Variants in CASTOR2 observed in about 807,000 individuals in gnomAD.
The protein encoded by CASTOR2 is cytosolic arginine sensor for mTORC1 subunit 2, also known as GATS protein like 2.
Under a neutral mutation model 31.2 loss-of-function variants are expected in CASTOR2, and 8 were observed. The observed-to-expected ratio is 0.26, with a 90% CI of 0.15 to 0.46. The LOEUF (loss-of-function observed/expected upper bound fraction) is 0.46. Ranked by LOEUF, CASTOR2 falls within the 20% of genes least tolerant of loss-of-function variation. CASTOR2 has a pLI of 0.99. For synonymous variants in CASTOR2, 162 were observed against 158.7 expected (o/e 1.02, Z -0.16); for missense variants, 216 against 382.1 (o/e 0.57, Z 3.62).
chr7:74,989,021 C>T (rs1383227402), intron 1 of CASTOR2, among the ~76,000 whole-genome samples: 6 of 145,848 alleles, frequency 4.1e-5, no homozygotes, highest in East Asian at 4.1e-4. Flanking sequence ...AGTGCAGTGG[C>T]GCCATCTCGG....
At chr7:75,001,630 T>C (rs1183293573) in intron 1 of CASTOR2, among the ~76,000 whole-genome samples, 7 of 152,212 alleles carry the variant, frequency 4.6e-5, no homozygotes, top group Non-Finnish European at 1.0e-4. Flanking sequence ...TTTGTTCTCT[T>C]TGAGGCTTCT....
In CASTOR2 at chr7:75,028,992, G is replaced by A. The variant is rs1339513121; in HGVS notation, c.*4293G>A. Among the ~76,000 whole-genome samples, 1 of 120,732 alleles carries A rather than the reference G, an allele frequency of 8.3e-6. No individual in the cohort carries two copies. The allele number at this position is 120,732 out of a possible 152,430, so 79.2% of individuals were successfully genotyped here. A position where few individuals can be genotyped will look rare whatever the true frequency, so the allele number is the denominator to read the frequency against. ...ATCAGAGGCTTCCAGTGTGGCCTCC[G>A]GAAGCAGCAGCGTAGCCAGGGTGAC... On this transcript the variant is annotated 3_prime_UTR_variant, in exon 9 of 9. Transcript: ENST00000616305.
intron 1 of CASTOR2, among the ~76,000 whole-genome samples, chr7:74,994,090 C>T (rs1162178526): frequency 2.0e-5 from 3 of 152,194 alleles, no homozygotes; most frequent in African/African-American, 7.2e-5. Context: ...CCGTGTCAGC[C>T]GGGCCGTCCA....
At chr7:75,024,332 A>T in intron 7 of CASTOR2, 108 bp from the exon 8 acceptor site, 1 of 1,056,184 alleles carries the variant, frequency 9.5e-7, no homozygotes, top group Non-Finnish European at 1.4e-6. Context: ...CTCTAGGAGG[A>T]TGGTGGGTGC....
At position 75,026,188 on chromosome 7, in the gene CASTOR2, G is replaced by GTTTTTTTTTTTTTTTTTTTTTT. The variant is rs1178084776; in HGVS notation, c.*1489_*1490insTTTTTTTTTTTTTTTTTTTTTT. On this transcript the variant is annotated 3_prime_UTR_variant, in exon 9 of 9. Coordinates refer to ENST00000616305, the MANE Select transcript of CASTOR2 (RefSeq NM_001145064.3). The stretch of plus-strand genomic sequence containing the variant: ...CCCCTGTGGTTTTGGCTCTGGCGGG[G>GTTTTTTTTTTTTTTTTTTTTTT]GTTTTTTTTTTTTTTTTTGAGATGG... 1.1e-3 allele frequency among the ~76,000 whole-genome samples: 122 copies of GTTTTTTTTTTTTTTTTTTTTTT among 113,254 alleles called. 6 individuals are homozygous for GTTTTTTTTTTTTTTTTTTTTTT. Among genetic ancestry groups the GTTTTTTTTTTTTTTTTTTTTTT allele is most frequent in the South Asian group, 2.0e-3 (7 of 3,546 alleles). The allele number at this position is 113,254 out of a possible 152,430, so 74.3% of individuals were successfully genotyped here.
intron 2 of CASTOR2, among the ~76,000 whole-genome samples, chr7:75,017,169 C>T (rs1804882746): frequency 6.6e-6 from 1 of 151,730 alleles, no homozygotes; most frequent in Non-Finnish European, 1.5e-5. Context: ...TCCCATCCGG[C>T]TGGGTGCGGT....
At chr7:75,001,477 C>T (rs1397122428) in intron 1 of CASTOR2, among the ~76,000 whole-genome samples, 3 of 152,170 alleles carry the variant, frequency 2.0e-5, no homozygotes, top group Non-Finnish European at 4.4e-5. Flanking sequence ...ACAGAGAGGC[C>T]ACAAACCCCG....
chr7:75,015,793 G>A (rs1326730212), intron 2 of CASTOR2, among the ~76,000 whole-genome samples: 18 of 152,038 alleles, frequency 1.2e-4, no homozygotes, highest in Non-Finnish European at 2.2e-4. Context: ...TCGGCCAGGC[G>A]CGGTGGCTCA....
At chr7:74,993,665 G>A (rs1370513116) in intron 1 of CASTOR2, among the ~76,000 whole-genome samples, 1 of 151,578 alleles carries the variant, frequency 6.6e-6, no homozygotes, top group African/African-American at 2.4e-5. Context: ...TGCCCAGGCT[G>A]GTCTCGAACT....
rs587750777 is a variant in CASTOR2, at chr7:74,989,817, A to G, written c.114-18177A>G. Among the ~76,000 whole-genome samples the G allele has an allele frequency of 8.5e-4, 129 of 152,254 alleles. 1 individual carries two copies. Among genetic ancestry groups the G allele is most frequent in the African/African-American group, 2.9e-3 (120 of 41,554 alleles). ...TTTGAAGCACAAAACAGACACAGTG[A>G]ATCCACGGCACTAGAGACTAGAGCA... On this transcript the variant is annotated intron_variant, in intron 1 of 8. Coordinates refer to ENST00000616305, the MANE Select transcript of CASTOR2 (RefSeq NM_001145064.3).
At chr7:75,005,175 T>C (rs1273004363) in intron 1 of CASTOR2, among the ~76,000 whole-genome samples, 1 of 152,172 alleles carries the variant, frequency 6.6e-6, no homozygotes, top group African/African-American at 2.4e-5. Flanking sequence ...CCTAAATTTA[T>C]GTGAATTTAT....
chr7:75,024,678 C>T lies in CASTOR2; in HGVS notation c.969C>T (p.Val323=). ...ATGGTGTCATCAGTGCCCTGAAGGTCAGCCAAGCAGAGAAGCACTAGAAGG... is the reference window on the plus strand; with the variant it reads ...ATGGTGTCATCAGTGCCCTGAAGGTTAGCCAAGCAGAGAAGCACTAGAAGG... ...NINGVISALK[V]SQAEKH The change falls in exon 9 of 9, where the codon GTC becomes GTT. Residue 323 remains valine, a synonymous_variant. Coordinates refer to ENST00000616305, the MANE Select transcript of CASTOR2 (RefSeq NM_001145064.3). 6.4e-7 allele frequency: 1 copy of T among 1,551,642 alleles called. No homozygotes were observed. The highest frequency in any genetic ancestry group is 1.7e-4 in the Middle Eastern group (1 of 5,986).
At chr7:75,012,277 G>T (rs1431552238) in intron 2 of CASTOR2, among the ~76,000 whole-genome samples, 1 of 152,054 alleles carries the variant, frequency 6.6e-6, no homozygotes, top group African/African-American at 2.4e-5. Context: ...CTCCTTGGAC[G>T]CTCTGCTTCA....
intron 7 of CASTOR2, among the ~76,000 whole-genome samples, chr7:75,023,164 C>T (rs1388827254): frequency 3.3e-5 from 5 of 151,862 alleles, no homozygotes; most frequent in African/African-American, 7.3e-5. Context: ...AAAAATTAGC[C>T]GGTCGTGGTG....
chr7:74,997,380 G>A (rs1804377594), intron 1 of CASTOR2, among the ~76,000 whole-genome samples: 1 of 151,774 alleles, frequency 6.6e-6, no homozygotes, highest in Non-Finnish European at 1.5e-5. Flanking sequence ...ACAGGCTCAG[G>A]AGCTGTGTAA....
chr7:74,984,791 C>T (rs1804025359), intron 1 of CASTOR2, among the ~76,000 whole-genome samples: 1 of 152,164 alleles, frequency 6.6e-6, no homozygotes, highest in Non-Finnish European at 1.5e-5. Context: ...TGCCCAAAGC[C>T]ATCTGTATGA....
chr7:75,000,951 C>A (rs1360909034), intron 1 of CASTOR2, among the ~76,000 whole-genome samples: 1 of 152,198 alleles, frequency 6.6e-6, no homozygotes, highest in Non-Finnish European at 1.5e-5. Flanking sequence ...GCATGATCCA[C>A]CGCACCCGGC....
At chr7:75,006,143 A>G (rs1164021365) in intron 1 of CASTOR2, among the ~76,000 whole-genome samples, 12 of 152,062 alleles carry the variant, frequency 7.9e-5, no homozygotes, top group Admixed American at 2.6e-4. Context: ...ATTTAGCTGG[A>G]CATGGTATTG....
At chr7:75,002,827 C>A (rs1584470099) in intron 1 of CASTOR2, among the ~76,000 whole-genome samples, 1 of 151,988 alleles carries the variant, frequency 6.6e-6, no homozygotes, top group South Asian at 2.1e-4. Flanking sequence ...GTGGCTCACA[C>A]CCATAATCCC....
Sources: allele counts gnomAD v4.1 joint callset (sites outside exome capture counted in the v4.1 genomes callset), GRCh38; gene constraint gnomAD v4.1.1; transcripts MANE v1.5; gene names NCBI Gene and HGNC (gene_info 2026-07-23, HGNC 2026-07-21).